Variants in UBP1 observed in about 807,000 individuals in gnomAD.
UBP1 encodes the protein upstream binding protein 1, also known as upstream-binding protein 1.
Under a neutral mutation model 76.1 loss-of-function variants are expected in UBP1, and 22 were observed. The observed-to-expected ratio is 0.29, with a 90% confidence interval of 0.21 to 0.41. UBP1 has a LOEUF of 0.41. Ranked by LOEUF, UBP1 falls within the 10% of genes least tolerant of loss-of-function variation. UBP1 has a pLI of 1.00. For synonymous variants in UBP1, 224 were observed against 237.1 expected, an observed-to-expected ratio of 0.94 and a Z score of 0.51; for missense variants, 436 against 668.1, an observed-to-expected ratio of 0.65 and a Z score of 3.83.
chr3:33,415,830 A>G (rs1394242866), intron 3 of UBP1, among the ~76,000 whole-genome samples: 1 of 152,048 alleles, frequency 6.6e-6, no homozygotes, highest in Non-Finnish European at 1.5e-5. Context: ...TGTTCTGCAC[A>G]TTCAAGAAGT....
chr3:33,395,263 AG>A (rs1177420484), intron 13 of UBP1, among the ~76,000 whole-genome samples: 3 of 152,144 alleles, frequency 2.0e-5, no homozygotes, highest in Non-Finnish European at 2.9e-5. Context: ...TCAAACCACA[AG>A]ACATTTTTCA....
intron 15 of UBP1, chr3:33,390,727 G>C (rs769988271): frequency 4.2e-6 from 1 of 239,010 alleles, no homozygotes; most frequent in African/African-American, 2.2e-5. Context: ...TCAGGGCAGA[G>C]GACCTGAGGG....
chr3:33,411,770 GA>G, intron 4 of UBP1, 83 bp from the exon 5 acceptor site: 1 of 1,110,044 alleles, frequency 9.0e-7, no homozygotes, highest in Non-Finnish European at 1.4e-6. Context: ...ATGTTCTAAT[GA>G]AATAACTGTA....
At chr3:33,400,142 AAAAAC>A in intron 11 of UBP1, 42 bp downstream of exon 11, 3 of 1,278,182 alleles carry the variant, frequency 2.3e-6, no homozygotes, top group Non-Finnish European at 3.1e-6. Flanking sequence ...GCACAGAAAC[AAAAAC>A]AAAACATTCT....
Position 33,393,365 on chromosome 3 carries a change from TA to T in UBP1, c.1479del (p.Asn494IlefsTer34), listed in dbSNP as rs1428964903. On this transcript the variant is annotated frameshift_variant, in exon 14 of 16. Coordinates refer to ENST00000283629, the MANE Select transcript of UBP1 (RefSeq NM_014517.5). LOFTEE classifies it high-confidence loss of function. ...GTGGGACCCTGTCTGTAAACCTGAT[TA>T]ATTTGGTGGAGAGGGATATTAAACA... ...ALVFNIPLHQINQVYRQGPTG... is the reference protein window; with the variant it reads ...ALVFNIPLHQXNQVYRQGPTG... 6.2e-7 allele frequency: 1 copy of T among 1,613,158 alleles called. No homozygotes were observed. Among genetic ancestry groups the T allele is most frequent in the African/African-American group, 1.3e-5 (1 of 74,840 alleles).
At chr3:33,430,798 A>G (rs1701912446) in intron 1 of UBP1, among the ~76,000 whole-genome samples, 1 of 152,102 alleles carries the variant, frequency 6.6e-6, no homozygotes, top group Non-Finnish European at 1.5e-5. Flanking sequence ...CTCCAGCAAC[A>G]AGCCCAAGAA....
chr3:33,439,932 G>A lies in UBP1; in HGVS notation c.-84C>T, dbSNP rs1046245077. On this transcript the variant is annotated 5_prime_UTR_variant, in exon 1 of 16. Transcript: ENST00000283629. The stretch of plus-strand genomic sequence containing the variant: ...GGAGCTCCGCTGGCGCGTCCTGGGG[G>A]AGGGCGCGGGTGAAGCCTCCGGAGG... 4.0e-5 allele frequency: 59 copies of A among 1,488,644 alleles called. No individual in the cohort carries two copies. Among genetic ancestry groups the A allele is most frequent in the Middle Eastern group, 2.0e-4 (1 of 4,990 alleles). The allele number at this position is 1,488,644 out of a possible 1,614,324, so 92.2% of individuals were successfully genotyped here.
intron 1 of UBP1, among the ~76,000 whole-genome samples, chr3:33,434,289 CTTTTTTTTTTTTTTTT>C (rs371209882): frequency 9.9e-6 from 1 of 101,264 alleles, no homozygotes; most frequent in Non-Finnish European, 1.9e-5. Flanking sequence ...TCAGCAAATC[CTTTTTTTTTTTTTTTT>C]TTTTTTTTTT....
chr3:33,412,389 G>A (rs1008286010), intron 4 of UBP1, among the ~76,000 whole-genome samples: 19 of 151,630 alleles, frequency 1.3e-4, no homozygotes, highest in African/African-American at 4.6e-4. Flanking sequence ...ATATGTATGT[G>A]TGTGCGTATG....
intron 2 of UBP1, among the ~76,000 whole-genome samples, chr3:33,421,359 A>G (rs1201738628): frequency 1.3e-5 from 2 of 151,750 alleles, no homozygotes; most frequent in African/African-American, 4.8e-5. Flanking sequence ...TGCAACCTCC[A>G]CCTCCCAGGT....
At chr3:33,411,540 T>TCTAG (rs1380683477) in intron 5 of UBP1, 41 bp downstream of exon 5, 1 of 1,549,750 alleles carries the variant, frequency 6.5e-7, no homozygotes, top group Admixed American at 1.7e-5. Flanking sequence ...ATGACCTAAA[T>TCTAG]AACTAGGTTA....
intron 1 of UBP1, among the ~76,000 whole-genome samples, chr3:33,429,160 A>G (rs1196308912): frequency 6.6e-6 from 1 of 152,232 alleles, no homozygotes; most frequent in Non-Finnish European, 1.5e-5. Context: ...TGCTAAATCA[A>G]TGAACTGATT....
At chr3:33,411,286 G>T (rs1285318358) in intron 5 of UBP1, among the ~76,000 whole-genome samples, 1 of 152,024 alleles carries the variant, frequency 6.6e-6, no homozygotes. Flanking sequence ...CTTTTAAATA[G>T]CAGCTTGTGT....
intron 11 of UBP1, among the ~76,000 whole-genome samples, chr3:33,398,857 C>T (rs1016038689): frequency 1.3e-5 from 2 of 152,180 alleles, no homozygotes; most frequent in African/African-American, 4.8e-5. Flanking sequence ...AAGACAAACC[C>T]CAGCTCCCCG....
intron 8 of UBP1, among the ~76,000 whole-genome samples, chr3:33,406,768 C>T (rs1398190360): frequency 6.6e-6 from 1 of 152,220 alleles, no homozygotes; most frequent in Non-Finnish European, 1.5e-5. Context: ...ACTGTGAACA[C>T]AGTCCCTCCC....
chr3:33,388,768 G>T lies in UBP1; in HGVS notation c.*1563C>A, dbSNP rs966659530. 1 of 152,136 alleles carries T rather than the reference G, an allele frequency of 6.6e-6. No homozygotes were observed. The highest frequency in any genetic ancestry group is 6.5e-5 in the Admixed American group (1 of 15,268). 9.4% of individuals were successfully genotyped at this position (152,136 alleles called of 1,614,324 possible). ...TAGGAGTTACAGATATTTTCAAATCGATGATGAAAATAGATCGTGCTTCTT... is the reference window on the plus strand; with the variant it reads ...TAGGAGTTACAGATATTTTCAAATCTATGATGAAAATAGATCGTGCTTCTT... On this transcript the variant is annotated 3_prime_UTR_variant, in exon 16 of 16. Transcript: ENST00000283629.
chr3:33,392,867 G>T (rs942725139), intron 14 of UBP1: 1 of 405,930 alleles, frequency 2.5e-6, no homozygotes, highest in Non-Finnish European at 4.3e-6. Flanking sequence ...ATTCCCTGCC[G>T]GCTCCAGTGG....
intron 14 of UBP1, 90 bp from the exon 15 acceptor site, chr3:33,392,704 C>G (rs904344663): frequency 7.8e-7 from 1 of 1,274,412 alleles, no homozygotes; most frequent in Non-Finnish European, 1.1e-6. Context: ...TCTTCTCAAA[C>G]AAACACAGGA....
At chr3:33,435,701 T>C (rs1014594688) in intron 1 of UBP1, among the ~76,000 whole-genome samples, 1 of 152,180 alleles carries the variant, frequency 6.6e-6, no homozygotes. Flanking sequence ...ACCTTAAACA[T>C]GCTCAGATCA....
Sources: allele counts gnomAD v4.1 joint callset (sites outside exome capture counted in the v4.1 genomes callset), GRCh38; gene constraint gnomAD v4.1.1; transcripts MANE v1.5; gene names NCBI Gene and HGNC (gene_info 2026-07-23, HGNC 2026-07-21).